Variants in ZNF487 observed in about 807,000 individuals in gnomAD.
The protein encoded by ZNF487 is zinc finger protein 487, also known as KRAB domain only 1.
A neutral mutation model predicts 3.0 loss-of-function variants in ZNF487; 4 were observed. That is an observed-to-expected ratio of 1.35 (90% CI 0.66 to 3.08). The LOEUF (loss-of-function observed/expected upper bound fraction) is 3.08. Ranked by LOEUF, ZNF487 falls within the 30% of genes most tolerant of loss-of-function variation. The probability of loss-of-function intolerance (pLI) is 0.01; values close to 1 mark genes in which losing one functional copy is unlikely to be tolerated. For missense variants in ZNF487, 146 were observed against 98.7 expected, an observed-to-expected ratio of 1.48 and a Z score of -2.03; for synonymous variants, 55 against 34.6, an observed-to-expected ratio of 1.59 and a Z score of -2.06.
downstream of ZNF487, among the ~76,000 whole-genome samples, chr10:43,484,158 C>A (rs1166054118): frequency 6.6e-6 from 1 of 152,188 alleles, no homozygotes; most frequent in East Asian, 1.9e-4. Flanking sequence ...CATGAGCCAC[C>A]ACACCCGGCC....
intron 1 of ZNF487, among the ~76,000 whole-genome samples, chr10:43,463,613 G>C (rs1268235567): frequency 1.3e-5 from 2 of 150,948 alleles, no homozygotes; most frequent in East Asian, 3.9e-4. Flanking sequence ...TTGAACTCCT[G>C]GCATCAAGTG....
chr10:43,441,276 T>C (rs1335741322), intron 1 of ZNF487, among the ~76,000 whole-genome samples: 1 of 151,180 alleles, frequency 6.6e-6, no homozygotes, highest in African/African-American at 2.4e-5. Flanking sequence ...CGCTTTGCCT[T>C]TTTTTTTGAG....
At chr10:43,457,557 G>GA (rs1369137448) in intron 1 of ZNF487, among the ~76,000 whole-genome samples, 1,695 of 103,284 alleles carry the variant, frequency 0.016, 38 homozygotes, top group African/African-American at 0.037. Context: ...TCTGTCTTGG[G>GA]GAAAAAAAAA....
At chr10:43,437,626 G>A (rs1839435006) in intron 1 of ZNF487, among the ~76,000 whole-genome samples, 1 of 152,122 alleles carries the variant, frequency 6.6e-6, no homozygotes, top group South Asian at 2.1e-4. Context: ...GCTCTTTTTA[G>A]TTTATTTTTT....
rs370283281 is a variant in ZNF487 at position 43,477,176 on chromosome 10, C to CT, written c.130+984dup. ...TCTGAATTGTGTTCTAAAATCCTTT[C>CT]TTTTTTTTTTCTTTTTCTTTCTTTA... On this transcript the variant is annotated intron_variant, in intron 3 of 3. Coordinates refer to ENST00000437590, the MANE Select transcript of ZNF487 (RefSeq NM_001355444.3). Among the ~76,000 whole-genome samples the CT allele has an allele frequency of 5.1e-3, 759 of 147,580 alleles. 7 individuals are homozygous for CT. Among genetic ancestry groups the CT allele is most frequent in the African/African-American group, 0.017 (679 of 40,240 alleles).
chr10:43,463,892 C>T (rs1840538266), intron 1 of ZNF487, among the ~76,000 whole-genome samples: 2 of 151,784 alleles, frequency 1.3e-5, no homozygotes, highest in Admixed American at 6.6e-5. Flanking sequence ...ACAAATGTTG[C>T]CTGTGTTCTG....
chr10:43,442,238 AAACAACAACAACAAC>A (rs750766065), intron 1 of ZNF487, among the ~76,000 whole-genome samples: 2 of 148,802 alleles, frequency 1.3e-5, no homozygotes, highest in African/African-American at 5.1e-5. Context: ...CCTGTCTCTA[AAACAACAACAACAAC>A]AACAACAACA....
At chr10:43,469,540 T>A (rs1171561245) in intron 1 of ZNF487, among the ~76,000 whole-genome samples, 2 of 152,016 alleles carry the variant, frequency 1.3e-5, no homozygotes, top group East Asian at 3.8e-4. Context: ...CAGGGTCCCT[T>A]ATGTTGCCCA....
the ZNF487 span, among the ~76,000 whole-genome samples, chr10:43,490,500 C>CTTTTTTTTTTTTTTTTT: frequency 5.1e-5 from 2 of 39,134 alleles, 1 homozygote; most frequent in Non-Finnish European, 9.2e-5. Flanking sequence ...AGTAGCTCTA[C>CTTTTTTTTTTTTTTTTT]TTTTTTTTTT....
chr10:43,454,937 CAAAAAAA>C (rs58217923), intron 1 of ZNF487, among the ~76,000 whole-genome samples: 2 of 85,414 alleles, frequency 2.3e-5, no homozygotes, highest in South Asian at 4.9e-4. Context: ...GACCTTGTCT[CAAAAAAA>C]AAAAAAAAAA....
downstream of ZNF487, among the ~76,000 whole-genome samples, chr10:43,485,981 C>T (rs1231273268): frequency 6.6e-6 from 1 of 152,190 alleles, no homozygotes; most frequent in Non-Finnish European, 1.5e-5. Flanking sequence ...TTTCACATTT[C>T]AGACCTTTCT....
At chr10:43,442,154 C>G (rs1438463400) in intron 1 of ZNF487, among the ~76,000 whole-genome samples, 1 of 151,884 alleles carries the variant, frequency 6.6e-6, no homozygotes, top group Non-Finnish European at 1.5e-5. Context: ...TGCTTGAGCT[C>G]AGACGTTTGA....
At chr10:43,467,790 G>A (rs990374256) in intron 1 of ZNF487, among the ~76,000 whole-genome samples, 4 of 150,144 alleles carry the variant, frequency 2.7e-5, no homozygotes, top group Non-Finnish European at 5.9e-5. Flanking sequence ...GCACTCCAGC[G>A]TGGGCAACAG....
chr10:43,500,452 C>A, the ZNF487 span, among the ~76,000 whole-genome samples: 1 of 152,078 alleles, frequency 6.6e-6, no homozygotes, highest in African/African-American at 2.4e-5. Context: ...AACAACCCCC[C>A]ACCCCTGGCT....
chr10:43,455,676 A>C (rs1840163669), intron 1 of ZNF487, among the ~76,000 whole-genome samples: 1 of 152,116 alleles, frequency 6.6e-6, no homozygotes, highest in South Asian at 2.1e-4. Context: ...TGCGCGGCCC[A>C]TTTCCGAGAG....
the ZNF487 span, among the ~76,000 whole-genome samples, chr10:43,521,046 G>T: frequency 6.6e-6 from 1 of 152,140 alleles, no homozygotes; most frequent in Non-Finnish European, 1.5e-5. Flanking sequence ...GGTAAGAACA[G>T]GGTGATAGTT....
the ZNF487 span, among the ~76,000 whole-genome samples, chr10:43,499,647 A>G: frequency 1.3e-5 from 2 of 152,152 alleles, no homozygotes; most frequent in South Asian, 4.2e-4. Flanking sequence ...TCTACTTGTG[A>G]GGCTGAGGTG....
intron 1 of ZNF487, among the ~76,000 whole-genome samples, chr10:43,456,082 G>T (rs1180396717): frequency 6.6e-6 from 1 of 152,182 alleles, no homozygotes; most frequent in Non-Finnish European, 1.5e-5. Flanking sequence ...GGGTTCGTGG[G>T]CCCGCACTTC....
intron 3 of ZNF487, among the ~76,000 whole-genome samples, chr10:43,479,277 A>G (rs1455175891): frequency 6.6e-6 from 1 of 151,824 alleles, no homozygotes; most frequent in African/African-American, 2.4e-5. Flanking sequence ...TTTATTTTTT[A>G]ATTGAATGAA....
Sources: gnomAD v4.1 joint callset for allele counts (sites outside exome capture counted in the v4.1 genomes callset) on GRCh38, gnomAD v4.1.1 for gene constraint, MANE v1.5 for transcripts, NCBI Gene and HGNC (gene_info 2026-07-23, HGNC 2026-07-21) for gene names.